The following ZNF407 variants were observed in gnomAD, a reference collection of about 807,000 sequenced individuals.
The protein encoded by ZNF407 is zinc finger protein 407.
A neutral mutation model predicts 131.2 loss-of-function variants in ZNF407; 17 were observed. The observed-to-expected ratio is 0.13, with a 90% CI of 0.09 to 0.19. The LOEUF (loss-of-function observed/expected upper bound fraction) is 0.19, where lower values mean the gene tolerates loss of function less well. Among genes scored for constraint, ZNF407 ranks in the 10% least tolerant of loss-of-function variants. The probability of loss-of-function intolerance (pLI) is 1.00; values close to 1 mark genes in which losing one functional copy is unlikely to be tolerated. For synonymous variants in ZNF407, 1,156 were observed against 1,062.0 expected (o/e 1.09, Z -1.72); for missense variants, 2,681 against 2,830.6 (o/e 0.95, Z 1.20).
intron 3 of ZNF407, among the ~76,000 whole-genome samples, chr18:74,752,471 G>T (rs1404170673): frequency 1.3e-5 from 2 of 152,038 alleles, no homozygotes; most frequent in African/African-American, 2.4e-5. Context: ...CTGAATGGTA[G>T]TGCCTAGGTT....
At chr18:74,940,423 A>G (rs1972084056) in intron 8 of ZNF407, among the ~76,000 whole-genome samples, 1 of 152,124 alleles carries the variant, frequency 6.6e-6, no homozygotes, top group South Asian at 2.1e-4. Flanking sequence ...TTTGCTGGCC[A>G]TTAGTATTAT....
At position 74,631,199 on chromosome 18, in the gene ZNF407, T is replaced by C. The variant is rs987099692; in HGVS notation, c.180T>C (p.Asp60=). The change falls in exon 2 of 9, where the codon GAT becomes GAC. Residue 60 remains aspartate (D), a synonymous_variant. Transcript: ENST00000299687. ...GTTTTTCAGAATCATCGAACTCTGA[T>C]AGTGTTGTTATAGGAGAAGACAGAA... ...KRGFSESSNS[D]SVVIGEDRNK... is the part of the protein sequence containing the mutation. 8 of 1,614,012 alleles carry C rather than the reference T, an allele frequency of 5.0e-6. No individual in the cohort carries two copies. Among genetic ancestry groups the C allele is most frequent in the Non-Finnish European group, 6.8e-6 (8 of 1,179,896 alleles).
intron 3 of ZNF407, among the ~76,000 whole-genome samples, chr18:74,667,686 T>A (rs1985985296): frequency 6.6e-6 from 1 of 152,144 alleles, no homozygotes; most frequent in Non-Finnish European, 1.5e-5. Context: ...AGCCCATAGG[T>A]CTCCCCATCT....
chr18:75,002,945 G>A (rs181694339), intron 8 of ZNF407, among the ~76,000 whole-genome samples: 84 of 152,200 alleles, frequency 5.5e-4, no homozygotes, highest in Admixed American at 1.6e-3. Context: ...TTCTCTTCAG[G>A]CAGCTTGTTG....
chr18:74,913,702 T>G (rs1599238470), intron 7 of ZNF407, among the ~76,000 whole-genome samples: 2 of 152,280 alleles, frequency 1.3e-5, no homozygotes, highest in Admixed American at 1.3e-4. Context: ...TGCTCTGATG[T>G]TTAACAACTT....
At chr18:74,858,240 C>T (rs1487775063) in intron 4 of ZNF407, among the ~76,000 whole-genome samples, 5 of 151,108 alleles carry the variant, frequency 3.3e-5, no homozygotes, top group Admixed American at 1.3e-4. Context: ...TGAATGTCCA[C>T]GTATTAACAC....
intron 3 of ZNF407, among the ~76,000 whole-genome samples, chr18:74,720,176 AT>A (rs34064021): frequency 0.67 from 100,721 of 149,640 alleles, 34,990 homozygotes; most frequent in East Asian, 0.85. Context: ...AGCATTTGCT[AT>A]TTTTTTTTTT....
Position 74,966,210 on chromosome 18 carries a change from G to A in ZNF407, c.5428+45518G>A, listed in dbSNP as rs1165781369. On this transcript the variant is annotated intron_variant, in intron 8 of 8. Coordinates refer to ENST00000299687, the MANE Select transcript of ZNF407 (RefSeq NM_017757.3). Reference sequence around the variant, plus strand: ...ATTTTTGCTTTGGCAGGCTGTGCTGGTGGGGTATTTCGCAAGAAATTTTTG... The same window carrying A: ...ATTTTTGCTTTGGCAGGCTGTGCTGATGGGGTATTTCGCAAGAAATTTTTG... Among the ~76,000 whole-genome samples the A allele has an allele frequency of 3.9e-5, 6 of 152,298 alleles. No individual in the cohort carries two copies. The East Asian group carries it at 1.2e-3, about 29-fold the overall frequency.
At chr18:74,753,013 A>G (rs1968843585) in intron 3 of ZNF407, among the ~76,000 whole-genome samples, 2 of 152,104 alleles carry the variant, frequency 1.3e-5, no homozygotes, top group Admixed American at 1.3e-4. Flanking sequence ...ATGAGCATGG[A>G]ATGTCCTTCC....
intron 3 of ZNF407, among the ~76,000 whole-genome samples, chr18:74,712,725 T>C (rs564960): frequency 0.79 from 119,660 of 152,172 alleles, 47,224 homozygotes; most frequent in East Asian, 0.89. Context: ...ACTGGCTAGC[T>C]GAGCAGGTTC....
intron 8 of ZNF407, among the ~76,000 whole-genome samples, chr18:75,034,778 A>C (rs1187000359): frequency 1.3e-5 from 2 of 152,240 alleles, no homozygotes; most frequent in African/African-American, 4.8e-5. Flanking sequence ...TACTTGGCAC[A>C]TAATGCTATT....
chr18:74,657,756 A>G (rs1568150285), intron 3 of ZNF407, among the ~76,000 whole-genome samples: 1 of 152,056 alleles, frequency 6.6e-6, no homozygotes, highest in Non-Finnish European at 1.5e-5. Context: ...ATGTTCCATC[A>G]AATACTGTCG....
intron 4 of ZNF407, among the ~76,000 whole-genome samples, chr18:74,790,749 T>A (rs906897088): frequency 3.3e-5 from 5 of 152,204 alleles, no homozygotes; most frequent in South Asian, 2.1e-4. Context: ...TGACTTTTTG[T>A]GAGCAGTTCT....
intron 4 of ZNF407, among the ~76,000 whole-genome samples, chr18:74,835,456 G>C (rs1970542223): frequency 6.6e-6 from 1 of 152,146 alleles, no homozygotes; most frequent in Non-Finnish European, 1.5e-5. Flanking sequence ...GTAATGTGTG[G>C]CTGCTATAAT....
chr18:74,992,634 C>T (rs559803321), intron 8 of ZNF407, among the ~76,000 whole-genome samples: 6 of 152,108 alleles, frequency 3.9e-5, no homozygotes, highest in East Asian at 1.9e-4. Flanking sequence ...AGACTTCTGT[C>T]GAAGAGAAAA....
At chr18:74,967,748 A>G (rs550611435) in intron 8 of ZNF407, among the ~76,000 whole-genome samples, 21 of 152,342 alleles carry the variant, frequency 1.4e-4, no homozygotes, top group African/African-American at 5.1e-4. Flanking sequence ...ACGTTGTTCA[A>G]TGTTTTGCTA....
intron 3 of ZNF407, among the ~76,000 whole-genome samples, chr18:74,699,669 G>T (rs917700859): frequency 3.9e-5 from 6 of 152,044 alleles, no homozygotes; most frequent in African/African-American, 1.2e-4. Flanking sequence ...TCCTTAATTT[G>T]CTAGATTTGG....
chr18:74,778,621 T>C (rs1024944197), intron 3 of ZNF407, among the ~76,000 whole-genome samples: 1 of 152,176 alleles, frequency 6.6e-6, no homozygotes, highest in Non-Finnish European at 1.5e-5. Flanking sequence ...AGATCCTTAA[T>C]AAATATGTAA....
At chr18:74,657,810 A>AG (rs1242768479) in intron 3 of ZNF407, among the ~76,000 whole-genome samples, 1 of 152,052 alleles carries the variant, frequency 6.6e-6, no homozygotes, top group Non-Finnish European at 1.5e-5. Flanking sequence ...CGTGACCACG[A>AG]GGGGGAGTCA....
Sources: gnomAD v4.1 joint callset for allele counts (sites outside exome capture counted in the v4.1 genomes callset) on GRCh38, gnomAD v4.1.1 for gene constraint, MANE v1.5 for transcripts, NCBI Gene and HGNC (gene_info 2026-07-23, HGNC 2026-07-21) for gene names.